The following COL21A1 variants were observed in gnomAD, a reference collection of about 807,000 sequenced individuals.
The protein encoded by COL21A1 is collagen type XXI alpha 1 chain.
In COL21A1, 149 loss-of-function variants were observed where a neutral mutation model predicts 137.9. The ratio of observed to expected loss-of-function variants is 1.08; its 90% CI spans 0.95 to 1.24. The LOEUF is 1.24. Among genes scored for constraint, COL21A1 ranks in the 50% most tolerant of loss-of-function variants. COL21A1 has a pLI of 0.00. For missense variants in COL21A1, 1,167 were observed against 1,158.4 expected (o/e 1.01, Z -0.11); for synonymous variants, 456 against 391.5 (o/e 1.16, Z -1.95).
At chr6:56,239,724 C>T (rs1925154) in intron 1 of COL21A1, among the ~76,000 whole-genome samples, 91,373 of 152,006 alleles carry the variant, frequency 0.6, 27,781 homozygotes, top group African/African-American at 0.68. Context: ...AACAACCATC[C>T]TCAGTGAACA....
At chr6:56,302,823 G>T (rs1157542939) in intron 1 of COL21A1, among the ~76,000 whole-genome samples, 2 of 151,978 alleles carry the variant, frequency 1.3e-5, no homozygotes, top group Non-Finnish European at 2.9e-5. Context: ...GTCCTGAATG[G>T]TATTGCCTAG....
At chr6:56,150,565 C>CACACACACAA (rs1402170446) in intron 10 of COL21A1, among the ~76,000 whole-genome samples, 1,374 of 112,664 alleles carry the variant, frequency 0.012, 58 homozygotes, top group African/African-American at 0.037. Flanking sequence ...CACACACACA[C>CACACACACAA]AAGAGTGGGG....
chr6:56,301,452 G>T (rs1764276881), intron 1 of COL21A1, among the ~76,000 whole-genome samples: 1 of 152,160 alleles, frequency 6.6e-6, no homozygotes, highest in Admixed American at 6.6e-5. Flanking sequence ...TAGCCCATAT[G>T]ACCTATTTCA....
chr6:56,181,362 GATTAAAGGGTTATGCTTTT>G (rs1777875118), intron 2 of COL21A1, among the ~76,000 whole-genome samples: 1 of 152,000 alleles, frequency 6.6e-6, no homozygotes, highest in South Asian at 2.1e-4. Flanking sequence ...GATGGACTAG[GATTAAAGGGTTATGCTTTT>G]ATTGTTTTTT....
chr6:56,356,259 A>T (rs916577631), intron 1 of COL21A1, among the ~76,000 whole-genome samples: 1 of 152,186 alleles, frequency 6.6e-6, no homozygotes, highest in African/African-American at 2.4e-5. Context: ...GAGCTGAAGT[A>T]CTATAAGGGG....
At chr6:56,187,958 A>G (rs1384666388) in intron 1 of COL21A1, among the ~76,000 whole-genome samples, 1 of 152,152 alleles carries the variant, frequency 6.6e-6, no homozygotes, top group Non-Finnish European at 1.5e-5. Flanking sequence ...AAACAACACA[A>G]TTTTTTTAAA....
At chr6:56,132,901 T>A (rs989478509) in intron 12 of COL21A1, among the ~76,000 whole-genome samples, 1 of 152,224 alleles carries the variant, frequency 6.6e-6, no homozygotes, top group Non-Finnish European at 1.5e-5. Flanking sequence ...TTGCTCCTCC[T>A]TGCCCTCCAC....
At chr6:56,245,721 G>T (rs748437190) in intron 1 of COL21A1, among the ~76,000 whole-genome samples, 7 of 152,212 alleles carry the variant, frequency 4.6e-5, no homozygotes, top group Non-Finnish European at 8.8e-5. Flanking sequence ...AGAAGCAGAA[G>T]AGCAGGTCTT....
chr6:56,206,697 A>ATATAT (rs1561983771), intron 1 of COL21A1, among the ~76,000 whole-genome samples: 524 of 31,528 alleles, frequency 0.017, 3 homozygotes, highest in African/African-American at 0.022. Context: ...TAAATAAATA[A>ATATAT]ATATATATAT....
At chr6:56,098,025 A>C (rs1474518287) in intron 17 of COL21A1, among the ~76,000 whole-genome samples, 1 of 64,356 alleles carries the variant, frequency 1.6e-5, no homozygotes, top group African/African-American at 7.2e-5. Context: ...ATATATAAAT[A>C]TATATGTAAA....
At chr6:56,322,533 T>C (rs2152341566) in intron 1 of COL21A1, among the ~76,000 whole-genome samples, 1 of 152,256 alleles carries the variant, frequency 6.6e-6, no homozygotes, top group East Asian at 1.9e-4. Flanking sequence ...CAAAAATGTG[T>C]TGATTGTAAT....
At chr6:56,123,459 T>G (rs62412813) in intron 16 of COL21A1, among the ~76,000 whole-genome samples, 22,801 of 152,124 alleles carry the variant, frequency 0.15, 1,751 homozygotes, top group Middle Eastern at 0.22. Flanking sequence ...TTCAAAGAAC[T>G]GACCGTTAGA....
intron 1 of COL21A1, among the ~76,000 whole-genome samples, chr6:56,365,240 T>C (rs1251642763): frequency 1.3e-5 from 2 of 152,172 alleles, no homozygotes; most frequent in African/African-American, 4.8e-5. Context: ...CTCACAGGAA[T>C]AAATCATCTT....
At chr6:56,338,699 G>C (rs1333089646) in intron 1 of COL21A1, among the ~76,000 whole-genome samples, 1 of 152,164 alleles carries the variant, frequency 6.6e-6, no homozygotes, top group East Asian at 1.9e-4. Flanking sequence ...CATCTTAGGG[G>C]CTTCTCTAAT....
At chr6:56,156,862 A>G in intron 10 of COL21A1, 25 bp downstream of exon 10, 1 of 1,590,708 alleles carries the variant, frequency 6.3e-7, no homozygotes, top group Non-Finnish European at 8.6e-7. Flanking sequence ...GATATACCGG[A>G]GATGACTAAG....
intron 1 of COL21A1, among the ~76,000 whole-genome samples, chr6:56,191,536 G>A (rs565430277): frequency 1.3e-4 from 19 of 146,850 alleles, no homozygotes; most frequent in Admixed American, 1.2e-3. Context: ...AGGTTGCAGC[G>A]AGCTGAGATC....
At chr6:56,226,735 T>C (rs1781220082) in intron 1 of COL21A1, among the ~76,000 whole-genome samples, 1 of 152,034 alleles carries the variant, frequency 6.6e-6, no homozygotes. Context: ...CACTGCAGTT[T>C]ATATGAAAAT....
intron 1 of COL21A1, among the ~76,000 whole-genome samples, chr6:56,226,336 T>G (rs1781192980): frequency 6.6e-6 from 1 of 152,062 alleles, no homozygotes; most frequent in African/African-American, 2.4e-5. Flanking sequence ...TGTTCCTCGT[T>G]ATTTAATGTA....
intron 9 of COL21A1, among the ~76,000 whole-genome samples, chr6:56,157,785 T>C (rs1409514843): frequency 6.6e-6 from 1 of 152,274 alleles, no homozygotes; most frequent in Non-Finnish European, 1.5e-5. Flanking sequence ...TGTTACTGTC[T>C]ATACTTGCAA....
Sources: allele counts gnomAD v4.1 joint callset (sites outside exome capture counted in the v4.1 genomes callset), GRCh38; gene constraint gnomAD v4.1.1; transcripts MANE v1.5; gene names NCBI Gene and HGNC (gene_info 2026-07-23, HGNC 2026-07-21).